The following PRKAG2 variants were observed in gnomAD, a reference collection of about 807,000 sequenced individuals.
PRKAG2 encodes 5'-AMP-activated protein kinase subunit gamma-2.
Under a neutral mutation model 69.6 loss-of-function variants are expected in PRKAG2, and 26 were observed. The observed-to-expected ratio is 0.37, with a 90% confidence interval of 0.27 to 0.52. PRKAG2 has a LOEUF of 0.52. Ranked by LOEUF, PRKAG2 falls within the 20% of genes least tolerant of loss-of-function variation. PRKAG2 has a pLI of 0.90. For missense variants in PRKAG2, 557 were observed against 740.0 expected (o/e 0.75, Z 2.87); for synonymous variants, 293 against 285.0 (o/e 1.03, Z -0.28).
chr7:151,650,995 T>G (rs540926149), intron 4 of PRKAG2, among the ~76,000 whole-genome samples: 7 of 152,320 alleles, frequency 4.6e-5, no homozygotes, highest in Non-Finnish European at 1.0e-4. Context: ...GTAGACAGTT[T>G]TTTTTCAAAA....
At chr7:151,614,000 G>A (rs1466809730) in intron 5 of PRKAG2, among the ~76,000 whole-genome samples, 2 of 151,900 alleles carry the variant, frequency 1.3e-5, no homozygotes, top group Non-Finnish European at 2.9e-5. Context: ...ACAGGCTTTC[G>A]CTATGTTGGT....
chr7:151,634,916 TG>T (rs1214001297), intron 4 of PRKAG2, among the ~76,000 whole-genome samples: 1 of 150,834 alleles, frequency 6.6e-6, no homozygotes, highest in African/African-American at 2.4e-5. Context: ...ACACTGCTGG[TG>T]GGAATGCAAA....
intron 1 of PRKAG2, among the ~76,000 whole-genome samples, chr7:151,841,519 T>G (rs2079282919): frequency 7.0e-6 from 1 of 143,008 alleles, no homozygotes; most frequent in Non-Finnish European, 1.5e-5. Flanking sequence ...GTAGTGATGG[T>G]AGGGATGGTA....
In PRKAG2 at chr7:151,876,872, G is replaced by A. The variant is rs546312513; in HGVS notation, c.-252C>T. On this transcript the variant is annotated 5_prime_UTR_variant, in exon 1 of 16. Transcript: ENST00000287878. ...TCAGTCAAAGCCCGTCCCGGTTCTG[G>A]TGTCTCCCCGGGTTACTCGTGGCTG... 67 of 567,494 alleles carry A rather than the reference G, an allele frequency of 1.2e-4. No homozygotes were observed. The highest frequency in any genetic ancestry group is 2.1e-4 in the Non-Finnish European group (65 of 316,540). 35.2% of individuals were successfully genotyped at this position (567,494 alleles called of 1,614,324 possible). A position where few individuals can be genotyped will look rare whatever the true frequency, so the allele number is the denominator to read the frequency against.
intron 3 of PRKAG2, among the ~76,000 whole-genome samples, chr7:151,700,039 G>C (rs539326345): frequency 6.6e-6 from 1 of 152,220 alleles, no homozygotes; most frequent in South Asian, 2.1e-4. Context: ...ACTGAAATCT[G>C]GTGATGGAGT....
At chr7:151,684,025 C>T (rs1322737310) in intron 3 of PRKAG2, among the ~76,000 whole-genome samples, 1 of 152,204 alleles carries the variant, frequency 6.6e-6, no homozygotes, top group Non-Finnish European at 1.5e-5. Context: ...TTTTACCTTC[C>T]ACCCCTCATT....
At chr7:151,819,994 G>C (rs1046928274) in intron 1 of PRKAG2, among the ~76,000 whole-genome samples, 1 of 152,226 alleles carries the variant, frequency 6.6e-6, no homozygotes. Context: ...TGTGTCCTTA[G>C]AGGGCCAAGG....
chr7:151,814,080 A>G lies in PRKAG2; in HGVS notation c.115-27539T>C, dbSNP rs939050609. Among the ~76,000 whole-genome samples, 7 of 152,330 alleles carry G rather than the reference A, an allele frequency of 4.6e-5. No homozygotes were observed. The highest frequency in any genetic ancestry group is 1.3e-4 in the Admixed American group (2 of 15,298). ...CCCTGTACCCAGGACCCAGTGTGTG[A>G]GGCAGCTCTGCTCAGCCTGGCAGGG... is the stretch of plus-strand genomic sequence containing the variant. On this transcript the variant is annotated intron_variant, in intron 1 of 15. Transcript: ENST00000287878. This position sits in a 1 kb window ranked among gnomAD's most constrained non-coding sequence, Gnocchi z 4.8.
chr7:151,844,214 A>T (rs73160047), intron 1 of PRKAG2, among the ~76,000 whole-genome samples: 21,653 of 152,224 alleles, frequency 0.14, 2,112 homozygotes, highest in Non-Finnish European at 0.22. Context: ...GAGACTGGTC[A>T]CTCACTACTA....
Position 151,653,565 on chromosome 7 carries a change from G to C in PRKAG2, c.685-21427C>G, listed in dbSNP as rs568946665. 2.6e-5 allele frequency among the ~76,000 whole-genome samples: 4 copies of C among 152,306 alleles called. No individual in the cohort carries two copies. The East Asian group carries it at 5.8e-4, about 22-fold the overall frequency. On this transcript the variant is annotated intron_variant, in intron 4 of 15. Transcript: ENST00000287878. Reference sequence around the variant, plus strand: ...TTAACATGTTACAGACTTGGGGCTGGGTGCAGTGGCTCATGCCTCTAATTC... The same window carrying C: ...TTAACATGTTACAGACTTGGGGCTGCGTGCAGTGGCTCATGCCTCTAATTC...
At chr7:151,688,962 C>G (rs1321724877) in intron 3 of PRKAG2, among the ~76,000 whole-genome samples, 1 of 152,126 alleles carries the variant, frequency 6.6e-6, no homozygotes, top group Non-Finnish European at 1.5e-5. Flanking sequence ...GAGCTATACC[C>G]ATTTTGCACC....
chr7:151,694,502 G>C (rs1234830498), intron 3 of PRKAG2, among the ~76,000 whole-genome samples: 1 of 152,076 alleles, frequency 6.6e-6, no homozygotes, highest in Non-Finnish European at 1.5e-5. Flanking sequence ...CTGTATCTGG[G>C]AATCTGGCCA....
chr7:151,867,123 C>A (rs979207911), intron 1 of PRKAG2, among the ~76,000 whole-genome samples: 2 of 152,316 alleles, frequency 1.3e-5, no homozygotes, highest in African/African-American at 4.8e-5. Context: ...GACGCTGGGA[C>A]CCCTTCCTGG....
At chr7:151,672,795 A>T (rs1832278510) in intron 4 of PRKAG2, among the ~76,000 whole-genome samples, 1 of 152,096 alleles carries the variant, frequency 6.6e-6, no homozygotes, top group South Asian at 2.1e-4. Flanking sequence ...TTGTTGTTGA[A>T]ATCCCACTCG....
intron 3 of PRKAG2, among the ~76,000 whole-genome samples, chr7:151,710,415 C>T (rs528627937): frequency 2.6e-5 from 4 of 152,184 alleles, no homozygotes; most frequent in East Asian, 3.9e-4. Flanking sequence ...CCCTTTGCTC[C>T]GCTGCCACAC....
intron 1 of PRKAG2, among the ~76,000 whole-genome samples, chr7:151,840,175 G>T (rs944665779): frequency 7.2e-5 from 11 of 152,196 alleles, no homozygotes; most frequent in African/African-American, 2.7e-4. Context: ...AGGAGTGGCA[G>T]ATTCATCTCC....
At chr7:151,602,129 G>A (rs1585154575) in intron 5 of PRKAG2, among the ~76,000 whole-genome samples, 2 of 152,260 alleles carry the variant, frequency 1.3e-5, no homozygotes, top group African/African-American at 4.8e-5. Flanking sequence ...GCAGCCGCAT[G>A]CGCAGTCTCC....
chr7:151,671,745 T>C (rs1040732769), intron 4 of PRKAG2, among the ~76,000 whole-genome samples: 2 of 152,248 alleles, frequency 1.3e-5, no homozygotes, highest in African/African-American at 4.8e-5. Flanking sequence ...AGCCAAACCT[T>C]GGCCACAGAG....
intron 3 of PRKAG2, among the ~76,000 whole-genome samples, chr7:151,718,486 T>C (rs1156944433): frequency 6.6e-6 from 1 of 151,956 alleles, no homozygotes; most frequent in Non-Finnish European, 1.5e-5. Flanking sequence ...ATGCAGGTCA[T>C]GGTGGCTGTG....
Sources: allele counts gnomAD v4.1 joint callset (sites outside exome capture counted in the v4.1 genomes callset), GRCh38; gene constraint gnomAD v4.1.1; non-coding constraint Gnocchi (gnomAD v3.1); transcripts MANE v1.5; gene names NCBI Gene and HGNC (gene_info 2026-07-23, HGNC 2026-07-21).